NPFFR2: variants seen among roughly 807,000 people sequenced by gnomAD.
NPFFR2 encodes the protein neuropeptide FF receptor 2.
In NPFFR2, 15 loss-of-function variants were observed where a neutral mutation model predicts 13.1. The ratio of observed to expected loss-of-function variants is 1.15; its 90% confidence interval spans 0.77 to 1.76. NPFFR2 has a LOEUF of 1.76. Among genes scored for constraint, NPFFR2 ranks in the 40% most tolerant of loss-of-function variants. NPFFR2 has a pLI of 0.00. For synonymous variants in NPFFR2, 190 were observed against 175.7 expected (o/e 1.08, Z -0.65); for missense variants, 572 against 503.5 (o/e 1.14, Z -1.30).
intron 1 of NPFFR2, among the ~76,000 whole-genome samples, chr4:72,113,982 T>C (rs1433258797): frequency 6.6e-6 from 1 of 152,150 alleles, no homozygotes; most frequent in Admixed American, 6.6e-5. Context: ...GGCAATCCTT[T>C]ACCAGGGACA....
chr4:72,134,024 G>A (rs1388074096), intron 2 of NPFFR2, among the ~76,000 whole-genome samples: 1 of 152,220 alleles, frequency 6.6e-6, no homozygotes, highest in East Asian at 1.9e-4. Flanking sequence ...CAGCATTTTG[G>A]GAGGCCAAGG....
chr4:72,143,158 TAG>T (rs2109848796), intron 3 of NPFFR2, among the ~76,000 whole-genome samples: 1 of 152,202 alleles, frequency 6.6e-6, no homozygotes, highest in South Asian at 2.1e-4. Context: ...CAGAGAAATG[TAG>T]AGAGGTAGTT....
intron 2 of NPFFR2, among the ~76,000 whole-genome samples, chr4:72,131,971 T>A (rs1446350412): frequency 2.0e-5 from 3 of 151,354 alleles, no homozygotes; most frequent in African/African-American, 7.3e-5. Flanking sequence ...TACAAATTGA[T>A]AATTATTGTT....
intron 1 of NPFFR2, among the ~76,000 whole-genome samples, chr4:72,117,365 A>G (rs1721743310): frequency 6.6e-6 from 1 of 152,186 alleles, no homozygotes; most frequent in Non-Finnish European, 1.5e-5. Flanking sequence ...CTGTTGGCAT[A>G]TGAATACATG....
At chr4:72,140,043 A>T (rs949626764) in intron 3 of NPFFR2, among the ~76,000 whole-genome samples, 1 of 152,046 alleles carries the variant, frequency 6.6e-6, no homozygotes, top group Non-Finnish European at 1.5e-5. Context: ...TTCACTCATG[A>T]TTTGGCTCTC....
chr4:72,146,369 C>A (rs748757233), intron 3 of NPFFR2, among the ~76,000 whole-genome samples: 1 of 152,164 alleles, frequency 6.6e-6, no homozygotes, highest in Non-Finnish European at 1.5e-5. Context: ...TCCAGAAGGA[C>A]CTGCCCCACA....
At chr4:72,056,706 C>A (rs764513860) in intron 1 of NPFFR2, among the ~76,000 whole-genome samples, 1 of 151,936 alleles carries the variant, frequency 6.6e-6, no homozygotes, top group Non-Finnish European at 1.5e-5. Context: ...GGGAGGTAGT[C>A]AAAATGTTAA....
At chr4:72,112,900 T>C (rs562621885) in intron 1 of NPFFR2, among the ~76,000 whole-genome samples, 1 of 152,140 alleles carries the variant, frequency 6.6e-6, no homozygotes, top group Admixed American at 6.6e-5. Context: ...TTATACCACA[T>C]GAAAATACCT....
chr4:72,052,788 T>G (rs555029971), intron 1 of NPFFR2, among the ~76,000 whole-genome samples: 20 of 152,142 alleles, frequency 1.3e-4, no homozygotes, highest in Admixed American at 5.9e-4. Context: ...CTATTCTCTT[T>G]GAAGCCTGCT....
At chr4:72,078,351 G>T (rs1312617978) in intron 1 of NPFFR2, among the ~76,000 whole-genome samples, 1 of 152,118 alleles carries the variant, frequency 6.6e-6, no homozygotes, top group East Asian at 1.9e-4. Flanking sequence ...TGAAGAAAGA[G>T]AGTGACATAT....
intron 1 of NPFFR2, among the ~76,000 whole-genome samples, chr4:72,066,587 T>G (rs1397955319): frequency 6.6e-6 from 1 of 151,156 alleles, no homozygotes; most frequent in African/African-American, 2.5e-5. Context: ...ATTAAAAAAG[T>G]TATGTGCTTC....
intron 2 of NPFFR2, among the ~76,000 whole-genome samples, chr4:72,136,348 C>T (rs1017155150): frequency 5.9e-5 from 9 of 152,030 alleles, no homozygotes; most frequent in Non-Finnish European, 1.2e-4. Context: ...CGCCACTGCA[C>T]TCCACCCTGT....
intron 1 of NPFFR2, among the ~76,000 whole-genome samples, chr4:72,067,147 G>C (rs1156650084): frequency 2.0e-5 from 3 of 151,828 alleles, no homozygotes; most frequent in Non-Finnish European, 3.0e-5. Context: ...CTGTGAGCCT[G>C]TTGAATTAGC....
intron 1 of NPFFR2, among the ~76,000 whole-genome samples, chr4:72,099,411 G>C (rs1344355658): frequency 6.6e-6 from 1 of 152,096 alleles, no homozygotes; most frequent in African/African-American, 2.4e-5. Context: ...ACTTGACACT[G>C]GGTAATTTAT....
At chr4:72,070,155 T>G (rs1202738673) in intron 1 of NPFFR2, among the ~76,000 whole-genome samples, 1 of 152,170 alleles carries the variant, frequency 6.6e-6, no homozygotes, top group Non-Finnish European at 1.5e-5. Flanking sequence ...ACCCTAGAGA[T>G]TGCTCCTTTA....
chr4:72,096,769 A>G (rs138489294), intron 1 of NPFFR2, among the ~76,000 whole-genome samples: 1,593 of 152,176 alleles, frequency 0.01, 11 homozygotes, highest in Non-Finnish European at 0.016. Context: ...TTTTATACAG[A>G]TGCTCCTTGA....
rs749979541 is a variant in NPFFR2 at position 72,147,640 on chromosome 4, C to A, written c.1091C>A (p.Ala364Asp). The A allele has an allele frequency of 8.1e-6, 13 of 1,614,096 alleles. No homozygotes were observed. In the Admixed American group the frequency reaches 1.8e-4, roughly 23 times the overall value. The change falls in exon 4 of 4, where the codon GCC (alanine) becomes GAC (aspartate). Residue 364 changes from alanine to aspartate, a missense_variant. Transcript: ENST00000308744. ...QKRAKPMEAY[A>D]LKAKSHVLIN... ...AGAGCAAAGCCTATGGAAGCTTATG[C>A]CCTAAAAGCTAAAAGCCATGTGCTC...
chr4:72,060,348 G>C lies in NPFFR2; in HGVS notation c.-8+28148G>C, dbSNP rs1399742294. ...ATTCCATAATAGCTATTGTAATCAA[G>C]GAACCTCTTTCAATGACACCATCTC... On this transcript the variant is annotated intron_variant, in intron 1 of 3. Coordinates refer to ENST00000308744, the MANE Select transcript of NPFFR2 (RefSeq NM_004885.3). 2.0e-5 allele frequency among the ~76,000 whole-genome samples: 3 copies of C among 151,986 alleles called. No homozygotes were observed. In the East Asian group the frequency reaches 5.8e-4, roughly 29 times the overall value.
At chr4:72,084,010 C>G (rs1398776640) in intron 1 of NPFFR2, among the ~76,000 whole-genome samples, 1 of 152,110 alleles carries the variant, frequency 6.6e-6, no homozygotes, top group African/African-American at 2.4e-5. Context: ...CCCATCCATC[C>G]TTTTCTCTAT....
Sources: gnomAD v4.1 joint callset for allele counts (sites outside exome capture counted in the v4.1 genomes callset) on GRCh38, gnomAD v4.1.1 for gene constraint, MANE v1.5 for transcripts, NCBI Gene and HGNC (gene_info 2026-07-23, HGNC 2026-07-21) for gene names.